The following ABHD12 variants were observed in gnomAD, a reference collection of about 807,000 sequenced individuals.
ABHD12 encodes lysophosphatidylserine lipase ABHD12.
Under a neutral mutation model 58.3 loss-of-function variants are expected in ABHD12, and 43 were observed. That is an observed-to-expected ratio of 0.74 (90% CI 0.58 to 0.95). ABHD12 has a LOEUF of 0.95. Ranked by LOEUF, ABHD12 falls within the 40% of genes least tolerant of loss-of-function variation. The pLI, the probability that ABHD12 is intolerant of heterozygous loss-of-function variation, is 0.00. For synonymous variants in ABHD12, 219 were observed against 211.2 expected, an observed-to-expected ratio of 1.04 and a Z score of -0.32; for missense variants, 539 against 537.2, an observed-to-expected ratio of 1.00 and a Z score of -0.03.
chr20:25,354,759 T>A (rs1448395885), intron 1 of ABHD12, among the ~76,000 whole-genome samples: 4 of 152,060 alleles, frequency 2.6e-5, no homozygotes, highest in East Asian at 3.9e-4. Context: ...GAAAAAAAAA[T>A]TACTATTTTA....
At chr20:25,308,947 A>T (rs1302508818) in intron 7 of ABHD12, among the ~76,000 whole-genome samples, 1 of 152,202 alleles carries the variant, frequency 6.6e-6, no homozygotes, top group Non-Finnish European at 1.5e-5. Flanking sequence ...ACAAGAGGCC[A>T]TTCAGGTGTT....
chr20:25,306,728 AC>A lies in ABHD12; in HGVS notation c.950+104del, dbSNP rs573161921. On this transcript the variant is annotated intron_variant, in intron 10 of 12. Transcript: ENST00000339157. ...TGTTTGCTAGAGAATGACCCTAAAT[AC>A]ACTGAATTCCATCCTATTTGATTAC... 1,073 of 829,186 alleles carry A rather than the reference AC, an allele frequency of 1.3e-3. 3 individuals are homozygous for A. Among genetic ancestry groups the A allele is most frequent in the Middle Eastern group, 8.4e-3 (26 of 3,088 alleles). The allele number at this position is 829,186 out of a possible 1,614,324, so 51.4% of individuals were successfully genotyped here. A position where few individuals can be genotyped will look rare whatever the true frequency, so the allele number is the denominator to read the frequency against.
At chr20:25,362,620 G>C (rs1275320386) in intron 1 of ABHD12, among the ~76,000 whole-genome samples, 5 of 143,180 alleles carry the variant, frequency 3.5e-5, no homozygotes, top group African/African-American at 1.3e-4. Context: ...GGGAAGGACA[G>C]GGGAGGGGAG....
intron 1 of ABHD12, among the ~76,000 whole-genome samples, chr20:25,373,146 G>A (rs540641191): frequency 2.2e-4 from 33 of 152,208 alleles, no homozygotes; most frequent in African/African-American, 6.0e-4. Flanking sequence ...TCTGATCTTC[G>A]CGTGACAATG....
intron 1 of ABHD12, 132 bp from the exon 2 acceptor site, chr20:25,339,483 T>C: frequency 6.9e-7 from 1 of 1,454,002 alleles, no homozygotes; most frequent in Non-Finnish European, 9.5e-7. Flanking sequence ...CTGCCAATAA[T>C]AAAAGTAGCC....
intron 1 of ABHD12, among the ~76,000 whole-genome samples, chr20:25,351,323 A>C (rs1410077903): frequency 6.6e-6 from 1 of 152,184 alleles, no homozygotes; most frequent in Admixed American, 6.5e-5. Flanking sequence ...ATGAACCCAT[A>C]ATCAAAGAAT....
chr20:25,311,178 C>T (rs2088842699), intron 6 of ABHD12, among the ~76,000 whole-genome samples: 1 of 152,182 alleles, frequency 6.6e-6, no homozygotes, highest in Non-Finnish European at 1.5e-5. Flanking sequence ...GGTCACATGG[C>T]TGGGGAATGA....
intron 1 of ABHD12, among the ~76,000 whole-genome samples, chr20:25,359,914 A>AT (rs1371769474): frequency 6.6e-6 from 1 of 152,206 alleles, no homozygotes; most frequent in East Asian, 1.9e-4. Flanking sequence ...GTCTGACATT[A>AT]TAGAAGTGTA....
At chr20:25,385,550 T>C (rs1490797487) in intron 1 of ABHD12, among the ~76,000 whole-genome samples, 1 of 152,060 alleles carries the variant, frequency 6.6e-6, no homozygotes, top group Non-Finnish European at 1.5e-5. Flanking sequence ...AAGTGCTATA[T>C]TCTGAAACAG....
rs1437273900 is a variant in ABHD12 at position 25,389,138 on chromosome 20, TTATC to T, written c.191+1371_191+1374del. ...TTTTTCGAAGGAAGAATTTTCCAAT[TTATC>T]TAAGCGTTATGCCATGTCTGTTAAT... On this transcript the variant is annotated intron_variant, in intron 1 of 12. Transcript: ENST00000339157. Among the ~76,000 whole-genome samples the T allele has an allele frequency of 4.6e-5, 7 of 152,200 alleles. No individual in the cohort carries two copies. The East Asian group carries it at 1.2e-3, about 25-fold the overall frequency.
At chr20:25,359,479 T>C (rs932481681) in intron 1 of ABHD12, among the ~76,000 whole-genome samples, 2 of 151,852 alleles carry the variant, frequency 1.3e-5, no homozygotes, top group African/African-American at 4.8e-5. Context: ...TATACATTTT[T>C]AAAAATCAGA....
chr20:25,332,052 A>G (rs2089285728), intron 2 of ABHD12, among the ~76,000 whole-genome samples: 1 of 152,224 alleles, frequency 6.6e-6, no homozygotes, highest in Non-Finnish European at 1.5e-5. Flanking sequence ...TGCTGTATTC[A>G]GGAAACCCAT....
At chr20:25,380,241 T>C (rs2090006508) in intron 1 of ABHD12, among the ~76,000 whole-genome samples, 1 of 152,116 alleles carries the variant, frequency 6.6e-6, no homozygotes, top group Admixed American at 6.6e-5. Context: ...ACACATGGAA[T>C]ACAATTACCA....
At chr20:25,309,706 C>T in intron 6 of ABHD12, 131 bp from the exon 7 acceptor site, 2 of 1,328,436 alleles carry the variant, frequency 1.5e-6, no homozygotes, top group South Asian at 2.6e-5. Context: ...CTTCCAGAGT[C>T]CACAGACCCA....
At chr20:25,366,123 T>C (rs996467874) in intron 1 of ABHD12, among the ~76,000 whole-genome samples, 1 of 152,234 alleles carries the variant, frequency 6.6e-6, no homozygotes, top group African/African-American at 2.4e-5. Flanking sequence ...CGCATATTTT[T>C]CATTGGGCCT....
At chr20:25,369,927 T>TTAA (rs371432921) in intron 1 of ABHD12, among the ~76,000 whole-genome samples, 5 of 91,430 alleles carry the variant, frequency 5.5e-5, no homozygotes, top group South Asian at 4.2e-4. Flanking sequence ...GTCTCTGTTA[T>TTAA]AAAAAAAAAA....
chr20:25,378,106 T>C (rs2089981360), intron 1 of ABHD12, among the ~76,000 whole-genome samples: 1 of 152,168 alleles, frequency 6.6e-6, no homozygotes, highest in Non-Finnish European at 1.5e-5. Flanking sequence ...CATCAAGCCA[T>C]AGCAGATACC....
chr20:25,294,968 T>C lies in ABHD12; in HGVS notation c.*5A>G, dbSNP rs752183281. On this transcript the variant is annotated 3_prime_UTR_variant, in exon 13 of 13. Transcript: ENST00000376542. ...TTCGATGACCGTGTCACCTGTTGGCTTCAGTCACACCAGCTCTGACCACAT... is the reference window on the plus strand; with the variant it reads ...TTCGATGACCGTGTCACCTGTTGGCCTCAGTCACACCAGCTCTGACCACAT... The C allele has an allele frequency of 1.1e-5, 18 of 1,614,074 alleles. No individual in the cohort carries two copies. The Admixed American group carries it at 2.8e-4, about 25-fold the overall frequency.
chr20:25,296,526 C>T (rs1280580029), downstream of ABHD12: 2 of 1,610,604 alleles, frequency 1.2e-6, no homozygotes, highest in Non-Finnish European at 1.7e-6. Context: ...GGACTAGGCA[C>T]ACCCTGCCTT....
Sources: allele counts gnomAD v4.1 joint callset (sites outside exome capture counted in the v4.1 genomes callset), GRCh38; gene constraint gnomAD v4.1.1; transcripts MANE v1.5; gene names NCBI Gene and HGNC (gene_info 2026-07-23, HGNC 2026-07-21).